LRMDA: variants seen among roughly 807,000 people sequenced by gnomAD.
The protein encoded by LRMDA is leucine rich melanocyte differentiation associated, also known as leucine-rich melanocyte differentiation-associated protein.
Under a neutral mutation model 29.8 loss-of-function variants are expected in LRMDA, and 18 were observed. The ratio of observed to expected loss-of-function variants is 0.60; its 90% CI spans 0.42 to 0.90. The LOEUF (loss-of-function observed/expected upper bound fraction) is 0.90, where lower values mean the gene tolerates loss of function less well. Among genes scored for constraint, LRMDA ranks in the 40% least tolerant of loss-of-function variants. The pLI is 0.00. For synonymous variants in LRMDA, 125 were observed against 109.4 expected (o/e 1.14, Z -0.89); for missense variants, 273 against 273.9 (o/e 1.00, Z 0.02).
intron 2 of LRMDA, among the ~76,000 whole-genome samples, chr10:75,947,298 G>A (rs1846492515): frequency 6.6e-6 from 1 of 152,120 alleles, no homozygotes; most frequent in South Asian, 2.1e-4. Flanking sequence ...TTGATTTGGG[G>A]GATGAGTTGG....
intron 5 of LRMDA, among the ~76,000 whole-genome samples, chr10:76,285,267 C>T (rs187587357): frequency 2.2e-3 from 328 of 152,218 alleles, no homozygotes; most frequent in Admixed American, 3.7e-3. Flanking sequence ...AATGTCATAG[C>T]TTGCTCTTTA....
chr10:76,185,194 C>T (rs1176251462), intron 5 of LRMDA, among the ~76,000 whole-genome samples: 2 of 152,156 alleles, frequency 1.3e-5, no homozygotes, highest in African/African-American at 4.8e-5. Context: ...GGGATGTTTG[C>T]AACCTGTTCT....
intron 2 of LRMDA, among the ~76,000 whole-genome samples, chr10:75,592,253 C>T (rs1341068592): frequency 6.6e-6 from 1 of 152,122 alleles, no homozygotes; most frequent in African/African-American, 2.4e-5. Flanking sequence ...CTGCCTCTGC[C>T]CGTCCCCAGC....
intron 6 of LRMDA, among the ~76,000 whole-genome samples, chr10:76,494,411 T>C (rs942859162): frequency 2.4e-4 from 37 of 151,668 alleles, no homozygotes; most frequent in Admixed American, 1.1e-3. Flanking sequence ...ATTATTGACA[T>C]GAAATTGTTT....
At chr10:75,460,104 A>G (rs1036404417) in intron 2 of LRMDA, among the ~76,000 whole-genome samples, 1 of 152,240 alleles carries the variant, frequency 6.6e-6, no homozygotes, top group Non-Finnish European at 1.5e-5. Context: ...AGTGTGCAAT[A>G]TTTAAATGTC....
chr10:76,363,463 G>A (rs1032401107), intron 6 of LRMDA, among the ~76,000 whole-genome samples: 1 of 152,092 alleles, frequency 6.6e-6, no homozygotes, highest in Non-Finnish European at 1.5e-5. Context: ...GGAGAATTTA[G>A]CAAGTTACGG....
Position 75,799,680 on chromosome 10 carries a change from T to TTGTGTGTGTGTG in LRMDA, c.132-236296_132-236285dup, listed in dbSNP as rs57575125. Among the ~76,000 whole-genome samples, 88 of 136,210 alleles carry TTGTGTGTGTGTG rather than the reference T, an allele frequency of 6.5e-4. 1 individual carries two copies. Among genetic ancestry groups the TTGTGTGTGTGTG allele is most frequent in the African/African-American group, 2.3e-3 (81 of 35,958 alleles). The allele number at this position is 136,210 out of a possible 152,430, so 89.4% of individuals were successfully genotyped here. ...CAGGTGTGTGTTACTATTCCTAGCT[T>TTGTGTGTGTGTG]TGTGTGTGTGTGTGTGTGTGTGTGT... On this transcript the variant is annotated intron_variant, in intron 2 of 6. Coordinates refer to ENST00000611255, the MANE Select transcript of LRMDA (RefSeq NM_001305581.2).
At chr10:75,942,162 GC>G (rs1846402797) in intron 2 of LRMDA, among the ~76,000 whole-genome samples, 2 of 152,150 alleles carry the variant, frequency 1.3e-5, no homozygotes, top group South Asian at 4.2e-4. Flanking sequence ...GCGACGTGCA[GC>G]CCCTTCAAGA....
intron 2 of LRMDA, among the ~76,000 whole-genome samples, chr10:75,843,080 G>T (rs1331733897): frequency 2.0e-5 from 3 of 152,202 alleles, no homozygotes; most frequent in African/African-American, 7.2e-5. Context: ...TAGAGCACAA[G>T]CTCTTTGAGG....
chr10:76,152,305 G>A (rs913547627), intron 5 of LRMDA, among the ~76,000 whole-genome samples: 13 of 152,186 alleles, frequency 8.5e-5, no homozygotes, highest in Non-Finnish European at 1.5e-4. Flanking sequence ...CTTTCATTTG[G>A]CATAGTGTTT....
At chr10:76,073,229 G>T (rs1848902636) in intron 5 of LRMDA, among the ~76,000 whole-genome samples, 1 of 152,104 alleles carries the variant, frequency 6.6e-6, no homozygotes, top group Admixed American at 6.5e-5. Context: ...TTCATTAAGG[G>T]AAATTAACAA....
At chr10:75,457,330 G>A (rs1317782440) in intron 2 of LRMDA, among the ~76,000 whole-genome samples, 1 of 152,194 alleles carries the variant, frequency 6.6e-6, no homozygotes, top group African/African-American at 2.4e-5. Flanking sequence ...TGACTGAGAA[G>A]AGGAAAATTG....
At chr10:76,015,553 A>G (rs1250715380) in intron 2 of LRMDA, among the ~76,000 whole-genome samples, 2 of 152,198 alleles carry the variant, frequency 1.3e-5, no homozygotes, top group Non-Finnish European at 2.9e-5. Flanking sequence ...TTGTAATCTT[A>G]TCTTAGCAGT....
intron 2 of LRMDA, among the ~76,000 whole-genome samples, chr10:75,969,285 C>T (rs191551990): frequency 6.6e-6 from 1 of 152,308 alleles, no homozygotes; most frequent in African/African-American, 2.4e-5. Context: ...GCTTGTTGCT[C>T]GATTGAGCAA....
At chr10:75,625,155 T>A (rs1166491436) in intron 2 of LRMDA, among the ~76,000 whole-genome samples, 2 of 152,126 alleles carry the variant, frequency 1.3e-5, no homozygotes, top group African/African-American at 4.8e-5. Flanking sequence ...AGAGCTTGAG[T>A]GGGAAGGACC....
chr10:75,988,447 A>C (rs141135474), intron 2 of LRMDA, among the ~76,000 whole-genome samples: 53 of 152,036 alleles, frequency 3.5e-4, no homozygotes, highest in African/African-American at 1.2e-3. Flanking sequence ...TCTTGCCTCC[A>C]TGTCCCACCC....
At chr10:76,231,002 A>G (rs575474871) in intron 5 of LRMDA, among the ~76,000 whole-genome samples, 7 of 152,348 alleles carry the variant, frequency 4.6e-5, no homozygotes, top group African/African-American at 1.7e-4. Context: ...ATCATAAACT[A>G]TTAGCTTGTT....
At chr10:76,253,048 C>T (rs1852514893) in intron 5 of LRMDA, among the ~76,000 whole-genome samples, 3 of 152,222 alleles carry the variant, frequency 2.0e-5, no homozygotes, top group African/African-American at 7.2e-5. Context: ...GTTATTGTAA[C>T]ATAGCTCAGA....
chr10:76,137,791 C>A (rs374679911), intron 5 of LRMDA, among the ~76,000 whole-genome samples: 1,718 of 139,758 alleles, frequency 0.012, 42 homozygotes, highest in African/African-American at 0.04. Flanking sequence ...AAAAAACAAA[C>A]AAAAAACCCT....
Sources: allele counts gnomAD v4.1 joint callset (sites outside exome capture counted in the v4.1 genomes callset), GRCh38; gene constraint gnomAD v4.1.1; transcripts MANE v1.5; gene names NCBI Gene and HGNC (gene_info 2026-07-23, HGNC 2026-07-21).